The following MUC21 variants were observed in gnomAD, a reference collection of about 807,000 sequenced individuals.
MUC21 encodes mucin 21, cell surface associated.
A neutral mutation model predicts 9.1 loss-of-function variants in MUC21; 8 were observed. The ratio of observed to expected loss-of-function variants is 0.88; its 90% confidence interval spans 0.52 to 1.59. MUC21 has a LOEUF of 1.59. Among genes scored for constraint, MUC21 ranks in the 40% most tolerant of loss-of-function variants. The probability of loss-of-function intolerance (pLI) is 0.00; values close to 1 mark genes in which losing one functional copy is unlikely to be tolerated. For synonymous variants in MUC21, 189 were observed against 275.2 expected (o/e 0.69, Z 3.10); for missense variants, 478 against 694.2 (o/e 0.69, Z 3.50).
In MUC21 at chr6:30,986,351, C is replaced by T. The variant is rs376850974; in HGVS notation, c.176C>T (p.Thr59Ile). ...AGTGTGACCTCCAGTGGGGTCAGCA[C>T]AGCCACCATCTCAGGGTCCAGCGTG... is the stretch of plus-strand genomic sequence containing the variant. The part of the protein sequence containing the change: ...GSSVTSSGVS[T>I]ATISGSSVTS... Residue 59 changes from threonine to isoleucine, a missense_variant, in exon 2 of 3, where the codon ACA becomes ATA. Around this residue, in one of 5 missense-constraint regions of MUC21, gnomAD observed 110 missense variants for 108.3 expected, o/e 1.02. Transcript: ENST00000376296. The T allele has an allele frequency of 5.0e-6, 8 of 1,612,022 alleles. No homozygotes were observed. Among genetic ancestry groups the T allele is most frequent in the African/African-American group, 1.3e-5 (1 of 74,970 alleles).
In MUC21 at chr6:30,988,146, A is replaced by G. The variant is rs1762467993; in HGVS notation, c.1653A>G (p.Pro551=). 6.2e-7 allele frequency: 1 copy of G among 1,612,944 alleles called. No homozygotes were observed. The highest frequency in any genetic ancestry group is 8.5e-7 in the Non-Finnish European group (1 of 1,180,016). ...GTCCTAACTGGTTCTGGAGGAGACCAGTATCCTCGATAGCCATGGAGATGA... is the reference window on the plus strand; with the variant it reads ...GTCCTAACTGGTTCTGGAGGAGACCGGTATCCTCGATAGCCATGGAGATGA... The part of the protein sequence containing the change: ...RWSPNWFWRR[P]VSSIAMEMSG... The change falls in exon 3 of 3, where the codon CCA becomes CCG. Residue 551 remains proline (P), a synonymous_variant. Transcript: ENST00000376296.
intron 1 of MUC21, 98 bp downstream of exon 1, chr6:30,984,117 A>G: frequency 1.4e-6 from 1 of 709,972 alleles, no homozygotes; most frequent in East Asian, 2.5e-5. Context: ...TCTCTTCCAT[A>G]GAGTGAGGAT....
Position 30,986,405 on chromosome 6 carries a change from A to C in MUC21, c.230A>C (p.Asn77Thr). 1 of 1,612,752 alleles carries C rather than the reference A, an allele frequency of 6.2e-7. No homozygotes were observed. The highest frequency in any genetic ancestry group is 8.5e-7 in the Non-Finnish European group (1 of 1,179,460). The change falls in exon 2 of 3, where the codon AAC becomes ACC. Residue 77 changes from asparagine to threonine, a missense_variant. By Grantham distance (65) the Asn-to-Thr change is moderately conservative. This residue lies in a region of MUC21 where 110 missense variants were observed against 108.3 expected (regional missense o/e 1.02). Coordinates refer to ENST00000376296, the MANE Select transcript of MUC21 (RefSeq NM_001010909.5). ...VTSNGVSIVT[N>T]SEFHTTSSGI... is the part of the protein sequence containing the mutation. Reference sequence around the variant, plus strand: ...TCCAATGGGGTCAGCATAGTCACCAACTCTGAGTTCCATACAACCTCCAGT... The same window carrying C: ...TCCAATGGGGTCAGCATAGTCACCACCTCTGAGTTCCATACAACCTCCAGT...
In MUC21 at chr6:30,988,174, G is replaced by A. The variant is rs756475405; in HGVS notation, c.1681G>A (p.Gly561Arg). ...ATCCTCGATAGCCATGGAGATGAGC[G>A]GGAGGAACAGCGGGCCCTGAGCAGC... ...PVSSIAMEMS[G>R]RNSGP Residue 561 changes from glycine to arginine, a missense_variant, in exon 3 of 3, where the codon GGG becomes AGG. Gly to Arg is a moderately radical substitution (Grantham distance 125). This residue lies in a region of MUC21 where 158 missense variants were observed against 192.6 expected (regional missense o/e 0.82). Transcript: ENST00000376296. 6.8e-6 allele frequency: 11 copies of A among 1,612,104 alleles called. No homozygotes were observed. The highest frequency in any genetic ancestry group is 4.5e-5 in the East Asian group (2 of 44,882).
Position 30,986,905 on chromosome 6 carries a change from G to T in MUC21, c.730G>T (p.Glu244Ter). The T allele has an allele frequency of 6.4e-7, 1 of 1,570,284 alleles. No homozygotes were observed. The highest frequency in any genetic ancestry group is 1.2e-5 in the South Asian group (1 of 86,888). The change falls in exon 2 of 3, where the codon GAG (glutamate) becomes TAG (stop). Residue 244 changes from glutamate (E) to a stop codon, truncating the protein, a stop_gained. Coordinates refer to ENST00000376296, the MANE Select transcript of MUC21 (RefSeq NM_001010909.5). LOFTEE classifies it high-confidence loss of function. ...TGGGGCCAGCACAGCCACCAACTCTGAGTCCAGCACACCCTCCAGTGGGGC... is the reference window on the plus strand; with the variant it reads ...TGGGGCCAGCACAGCCACCAACTCTTAGTCCAGCACACCCTCCAGTGGGGC... The part of the protein sequence containing the change: ...SSGASTATNS[E>*]SSTPSSGAGT...
In MUC21 at chr6:30,983,869, C is replaced by T; in HGVS notation, c.-90C>T. ...GCCTTTATCTCTTCACCTTCAAGTCCCCTTTCTCAAGAATCCTCTGTTCTT... is the reference window on the plus strand; with the variant it reads ...GCCTTTATCTCTTCACCTTCAAGTCTCCTTTCTCAAGAATCCTCTGTTCTT... On this transcript the variant is annotated 5_prime_UTR_variant, in exon 1 of 3. Coordinates refer to ENST00000376296, the MANE Select transcript of MUC21 (RefSeq NM_001010909.5). 1.4e-6 allele frequency: 1 copy of T among 706,042 alleles called. No homozygotes were observed. The highest frequency in any genetic ancestry group is 2.1e-5 in the Admixed American group (1 of 48,414). The allele number at this position is 706,042 out of a possible 1,614,324, so 43.7% of individuals were successfully genotyped here. A position where few individuals can be genotyped will look rare whatever the true frequency, so the allele number is the denominator to read the frequency against.
At chr6:30,987,773 G>A in intron 2 of MUC21, 92 bp downstream of exon 2, 2 of 1,532,756 alleles carry the variant, frequency 1.3e-6, no homozygotes, top group Non-Finnish European at 1.7e-6. Context: ...CAAGTCAGGG[G>A]TGGGTAGGGA....
chr6:30,989,626 T>C lies in MUC21; in HGVS notation c.*1432T>C, dbSNP rs1339028399. ...CCACTGCACCTCGCCAGATGTCCAA[T>C]GTCTGACTCCTGCATACCAAGGTGT... On this transcript the variant is annotated 3_prime_UTR_variant, in exon 3 of 3. Coordinates refer to ENST00000376296, the MANE Select transcript of MUC21 (RefSeq NM_001010909.5). The C allele has an allele frequency of 1.3e-5, 2 of 152,248 alleles. No homozygotes were observed. The highest frequency in any genetic ancestry group is 4.8e-5 in the African/African-American group (2 of 41,442). 9.4% of individuals were successfully genotyped at this position (152,248 alleles called of 1,614,324 possible).
rs1018932756 is a variant in MUC21, at chr6:30,988,870, A to G, written c.*676A>G. On this transcript the variant is annotated 3_prime_UTR_variant, in exon 3 of 3. Coordinates refer to ENST00000376296, the MANE Select transcript of MUC21 (RefSeq NM_001010909.5). ...CCATGTGCTCCAGGCCTGACTACCC[A>G]TCAGGGTGGAGGAGCTGGTGACACT... The G allele has an allele frequency of 1.3e-5, 2 of 152,114 alleles. No homozygotes were observed. Among genetic ancestry groups the G allele is most frequent in the African/African-American group, 4.8e-5 (2 of 41,372 alleles). 9.4% of individuals were successfully genotyped at this position (152,114 alleles called of 1,614,324 possible).
At chr6:30,987,724 G>C in intron 2 of MUC21, 43 bp downstream of exon 2, 7 of 1,594,444 alleles carry the variant, frequency 4.4e-6, no homozygotes, top group Non-Finnish European at 6.0e-6. Flanking sequence ...GGAAGGAGCA[G>C]CAGAAACACA....
Position 30,986,415 on chromosome 6 carries a change from C to T in MUC21, c.240C>T (p.Phe80=). The T allele has an allele frequency of 6.2e-7, 1 of 1,613,522 alleles. No individual in the cohort carries two copies. The highest frequency in any genetic ancestry group is 1.1e-5 in the South Asian group (1 of 91,044). Residue 80 remains phenylalanine, a synonymous_variant, in exon 2 of 3, where the codon TTC becomes TTT. Transcript: ENST00000376296. ...TCAGCATAGTCACCAACTCTGAGTT[C>T]CATACAACCTCCAGTGGGATCAGCA... ...NGVSIVTNSE[F]HTTSSGISTA... is the part of the protein sequence containing the mutation.
intron 1 of MUC21, among the ~76,000 whole-genome samples, chr6:30,985,617 G>A (rs1221252059): frequency 6.6e-6 from 1 of 152,194 alleles, no homozygotes; most frequent in Non-Finnish European, 1.5e-5. Context: ...ATAGCAGAAT[G>A]TGGAAAAAGG....
rs1762475778 is a variant in MUC21, at chr6:30,988,255, T to A, written c.*61T>A. The stretch of plus-strand genomic sequence containing the variant: ...GGAAGAGACCTGGGCACCCAAGACC[T>A]GGTTTCCTTTCATTCATCCCAGGAG... On this transcript the variant is annotated 3_prime_UTR_variant, in exon 3 of 3. Coordinates refer to ENST00000376296, the MANE Select transcript of MUC21 (RefSeq NM_001010909.5). 3 of 1,480,364 alleles carry A rather than the reference T, an allele frequency of 2.0e-6. No individual in the cohort carries two copies. The highest frequency in any genetic ancestry group is 1.8e-6 in the Non-Finnish European group (2 of 1,105,182). The allele number at this position is 1,480,364 out of a possible 1,614,324, so 91.7% of individuals were successfully genotyped here. A position where few individuals can be genotyped will look rare whatever the true frequency, so the allele number is the denominator to read the frequency against.
At chr6:30,985,399 A>G (rs1762207748) in intron 1 of MUC21, among the ~76,000 whole-genome samples, 1 of 152,176 alleles carries the variant, frequency 6.6e-6, no homozygotes, top group South Asian at 2.1e-4. Context: ...TCAAATTCTA[A>G]TTCATTTAGT....
chr6:30,989,392 G>A lies in MUC21; in HGVS notation c.*1198G>A, dbSNP rs1762530599. On this transcript the variant is annotated 3_prime_UTR_variant, in exon 3 of 3. Transcript: ENST00000376296. ...AGTGGTGCAATCATAGCTCATTGCA[G>A]CCTTCAATTCCTGGGCTCAGGCAAT... 1 of 152,118 alleles carries A rather than the reference G, an allele frequency of 6.6e-6. No homozygotes were observed. The highest frequency in any genetic ancestry group is 1.5e-5 in the Non-Finnish European group (1 of 68,036). 9.4% of individuals were successfully genotyped at this position (152,118 alleles called of 1,614,324 possible).
intron 2 of MUC21, 78 bp downstream of exon 2, chr6:30,987,759 G>T (rs1762448122): frequency 1.3e-6 from 2 of 1,554,442 alleles, no homozygotes; most frequent in Non-Finnish European, 1.7e-6. Flanking sequence ...AATAGAAGGG[G>T]TCTCAAGTCA....
At position 30,987,370 on chromosome 6, in the gene MUC21, T is replaced by C; in HGVS notation, c.1195T>C (p.Ser399Pro). 6.3e-7 allele frequency: 1 copy of C among 1,595,950 alleles called. No individual in the cohort carries two copies. The highest frequency in any genetic ancestry group is 8.5e-7 in the Non-Finnish European group (1 of 1,170,840). ...CACCACCTCTGAGTCCAGCACGACC[T>C]CCAGTGGGGCCAGCACAGCCACCAA... ...TATTSESSTT[S>P]SGASTATNSE... Residue 399 changes from serine (S) to proline (P), a missense_variant, in exon 2 of 3, where the codon TCC becomes CCC. Physicochemically the swap from Ser to Pro is moderately conservative, Grantham distance 74. Around this residue, in one of 5 missense-constraint regions of MUC21, gnomAD observed 155 missense variants for 235.2 expected, o/e 0.66. Coordinates refer to ENST00000376296, the MANE Select transcript of MUC21 (RefSeq NM_001010909.5).
intron 1 of MUC21, 97 bp downstream of exon 1, chr6:30,984,116 T>C (rs1160742546): frequency 2.8e-6 from 2 of 725,072 alleles, no homozygotes; most frequent in East Asian, 2.5e-5. Flanking sequence ...TTCTCTTCCA[T>C]AGAGTGAGGA....
intron 1 of MUC21, among the ~76,000 whole-genome samples, chr6:30,985,117 G>C (rs1327462034): frequency 6.6e-6 from 1 of 151,992 alleles, no homozygotes; most frequent in Non-Finnish European, 1.5e-5. Context: ...CCACGTACAG[G>C]CTGGGGAGGT....
Sources: gnomAD v4.1 joint callset for allele counts (sites outside exome capture counted in the v4.1 genomes callset) on GRCh38, gnomAD v4.1.1 for gene constraint, gnomAD v4.1.1 regional missense constraint, MANE v1.5 for transcripts, NCBI Gene and HGNC (gene_info 2026-07-23, HGNC 2026-07-21) for gene names.